ZSWIM4: variants seen among roughly 807,000 people sequenced by gnomAD.
ZSWIM4 encodes zinc finger SWIM-type containing 4.
In ZSWIM4, 62 loss-of-function variants were observed where a neutral mutation model predicts 102.5. That is an observed-to-expected ratio of 0.60 (90% CI 0.49 to 0.75). The LOEUF is 0.75. Among genes scored for constraint, ZSWIM4 ranks in the 30% least tolerant of loss-of-function variants. ZSWIM4 has a pLI of 0.00. For synonymous variants in ZSWIM4, 652 were observed against 674.5 expected (o/e 0.97, Z 0.52); for missense variants, 1,280 against 1,529.6 (o/e 0.84, Z 2.72).
Position 13,814,922 on chromosome 19 carries a change from C to A in ZSWIM4, c.1531+57C>A, listed in dbSNP as rs139868291. The A allele has an allele frequency of 1.1e-5, 12 of 1,073,030 alleles. No homozygotes were observed. The African/African-American group carries it at 1.5e-4, about 13-fold the overall frequency. 66.5% of individuals were successfully genotyped at this position (1,073,030 alleles called of 1,614,324 possible). The stretch of plus-strand genomic sequence containing the variant: ...CTGTGATCCCAGCACATTGGGAGTC[C>A]GAGGTGGGAGGATTGCTTGAGGCCA... On this transcript the variant is annotated intron_variant, in intron 7 of 13. Coordinates refer to ENST00000590508, the MANE Select transcript of ZSWIM4 (RefSeq NM_001367834.3).
intron 6 of ZSWIM4, among the ~76,000 whole-genome samples, chr19:13,814,055 G>A (rs891611953): frequency 4.0e-4 from 59 of 149,222 alleles, no homozygotes; most frequent in African/African-American, 1.4e-3. Context: ...ACACATACAC[G>A]CATCCTTTTT....
chr19:13,796,329 G>A (rs1398277675), intron 1 of ZSWIM4, among the ~76,000 whole-genome samples: 1 of 151,768 alleles, frequency 6.6e-6, no homozygotes, highest in Non-Finnish European at 1.5e-5. Flanking sequence ...TCCCTCCATC[G>A]TAGCCTCTAG....
intron 13 of ZSWIM4, among the ~76,000 whole-genome samples, 193 bp from the exon 14 acceptor site, chr19:13,829,998 C>T (rs1158070183): frequency 6.6e-6 from 1 of 152,126 alleles, no homozygotes; most frequent in Non-Finnish European, 1.5e-5. Context: ...CAGAAAGAGG[C>T]TCCAAAGCTT....
intron 2 of ZSWIM4, among the ~76,000 whole-genome samples, chr19:13,802,217 C>T (rs865822328): frequency 1.1e-4 from 16 of 151,354 alleles, no homozygotes; most frequent in South Asian, 1.0e-3. Flanking sequence ...ACCTAGTGAT[C>T]CGCCCGCCTC....
At chr19:13,821,946 C>T (rs55726752) in intron 10 of ZSWIM4, among the ~76,000 whole-genome samples, 61,017 of 151,822 alleles carry the variant, frequency 0.4, 14,667 homozygotes, top group Middle Eastern at 0.62. Context: ...CCATGTCAGC[C>T]GGGATGGTCT....
At chr19:13,829,193 A>G (rs1159401502) in intron 13 of ZSWIM4, among the ~76,000 whole-genome samples, 2 of 151,938 alleles carry the variant, frequency 1.3e-5, no homozygotes, top group Non-Finnish European at 2.9e-5. Context: ...AGGTGGGAAA[A>G]TCACTTGAGC....
intron 3 of ZSWIM4, among the ~76,000 whole-genome samples, chr19:13,805,697 C>T (rs1240349555): frequency 4.6e-5 from 7 of 151,716 alleles, no homozygotes; most frequent in South Asian, 2.1e-4. Flanking sequence ...ATTGGCTGGG[C>T]GCAGGGGCTC....
chr19:13,801,136 C>A (rs2145258052), intron 2 of ZSWIM4, among the ~76,000 whole-genome samples: 1 of 145,042 alleles, frequency 6.9e-6, no homozygotes, highest in African/African-American at 2.7e-5. Flanking sequence ...GAGCGAGATG[C>A]TATCTCAAAG....
At chr19:13,827,003 G>A (rs1975628706) in intron 12 of ZSWIM4, among the ~76,000 whole-genome samples, 1 of 152,082 alleles carries the variant, frequency 6.6e-6, no homozygotes, top group Non-Finnish European at 1.5e-5. Context: ...TAAGGAATAG[G>A]GCCGGGCACA....
rs759332388 is a variant in ZSWIM4 at position 13,830,779 on chromosome 19, G to A, written c.3050G>A (p.Arg1017Gln). The A allele has an allele frequency of 2.5e-6, 4 of 1,605,382 alleles. No individual in the cohort carries two copies. The highest frequency in any genetic ancestry group is 3.4e-6 in the Non-Finnish European group (4 of 1,176,040). Residue 1017 changes from arginine (R) to glutamine (Q), a missense_variant, in exon 14 of 14, where the codon CGG (arginine) becomes CAG (glutamine). Physicochemically the swap from Arg to Gln is conservative, Grantham distance 43. Transcript: ENST00000590508. ...APGLGPLGAR[R>Q]AAKPLGADRA... ...GGTCTGGGCCCCTTAGGGGCACGCCGGGCCGCCAAGCCACTGGGTGCCGAC... is the reference window on the plus strand; with the variant it reads ...GGTCTGGGCCCCTTAGGGGCACGCCAGGCCGCCAAGCCACTGGGTGCCGAC...
intron 10 of ZSWIM4, 120 bp from the exon 11 acceptor site, chr19:13,823,226 T>C (rs1423721573): frequency 3.1e-6 from 3 of 972,022 alleles, no homozygotes; most frequent in South Asian, 1.7e-5. Context: ...TCCATCATCT[T>C]GGGCTCTCAG....
chr19:13,820,580 A>T (rs1236190217), intron 10 of ZSWIM4, among the ~76,000 whole-genome samples: 1 of 152,240 alleles, frequency 6.6e-6, no homozygotes, highest in African/African-American at 2.4e-5. Context: ...CACATGATAC[A>T]TGAAAAGATA....
At chr19:13,820,920 A>AG in intron 10 of ZSWIM4, among the ~76,000 whole-genome samples, 1 of 152,156 alleles carries the variant, frequency 6.6e-6, no homozygotes, top group East Asian at 1.9e-4. Flanking sequence ...AAAAAAAAAA[A>AG]AAAAAGGCAA....
Position 13,825,555 on chromosome 19 carries a change from C to A in ZSWIM4, c.2221C>A (p.Pro741Thr). ...STMLTAAKGD[P>T]KWLHTVLGSI... ...CTGTCCCGCCCTTCACCCAGGAGACCCCAAGTGGCTGCACACGGTACTGGG... is the reference window on the plus strand; with the variant it reads ...CTGTCCCGCCCTTCACCCAGGAGACACCAAGTGGCTGCACACGGTACTGGG... Residue 741 changes from proline to threonine, a missense_variant, in exon 12 of 14, where the codon CCC (proline) becomes ACC (threonine). Coordinates refer to ENST00000590508, the MANE Select transcript of ZSWIM4 (RefSeq NM_001367834.3). This position sits in a 1 kb window ranked among gnomAD's most constrained non-coding sequence, Gnocchi z 4.6. The A allele has an allele frequency of 6.2e-7, 1 of 1,613,944 alleles. No individual in the cohort carries two copies. Among genetic ancestry groups the A allele is most frequent in the African/African-American group, 1.3e-5 (1 of 75,060 alleles).
intron 7 of ZSWIM4, among the ~76,000 whole-genome samples, chr19:13,816,947 G>A (rs146375982): frequency 2.0e-4 from 30 of 152,250 alleles, no homozygotes; most frequent in African/African-American, 7.0e-4. Flanking sequence ...AGGCATGGTG[G>A]CCCATGCCTG....
intron 3 of ZSWIM4, among the ~76,000 whole-genome samples, chr19:13,808,034 G>A (rs1476827077): frequency 6.6e-6 from 1 of 152,050 alleles, no homozygotes; most frequent in Non-Finnish European, 1.5e-5. Context: ...TCTTCACATG[G>A]CTGTCAGGAG....
Position 13,809,370 on chromosome 19 carries a change from C to A in ZSWIM4, c.1012+150C>A. 1 of 1,125,148 alleles carries A rather than the reference C, an allele frequency of 8.9e-7. No individual in the cohort carries two copies. Among genetic ancestry groups the A allele is most frequent in the Middle Eastern group, 3.0e-4 (1 of 3,286 alleles). 69.7% of individuals were successfully genotyped at this position (1,125,148 alleles called of 1,614,324 possible). On this transcript the variant is annotated intron_variant, in intron 5 of 13. Coordinates refer to ENST00000590508, the MANE Select transcript of ZSWIM4 (RefSeq NM_001367834.3). The surrounding 1 kb of genome is among the most constrained non-coding windows in gnomAD (Gnocchi z 4.2). The stretch of plus-strand genomic sequence containing the variant: ...CGCCTCTAAAGTGCCAGGCATGGTA[C>A]TGGGCACTGGTGGTCCGGCAGAGAA...
chr19:13,804,341 A>G (rs745556489), intron 2 of ZSWIM4, among the ~76,000 whole-genome samples: 6 of 142,664 alleles, frequency 4.2e-5, no homozygotes, highest in Non-Finnish European at 6.1e-5. Context: ...ATGGTGGCGC[A>G]TGCCTGTAAT....
At chr19:13,822,901 C>T (rs751148982) in intron 10 of ZSWIM4, among the ~76,000 whole-genome samples, 1 of 151,942 alleles carries the variant, frequency 6.6e-6, no homozygotes, top group Non-Finnish European at 1.5e-5. Flanking sequence ...ATCGTTTGAA[C>T]CCAGGAGGCA....
Sources: gnomAD v4.1 joint callset for allele counts (sites outside exome capture counted in the v4.1 genomes callset) on GRCh38, gnomAD v4.1.1 for gene constraint, Gnocchi (gnomAD v3.1) non-coding constraint, MANE v1.5 for transcripts, NCBI Gene and HGNC (gene_info 2026-07-23, HGNC 2026-07-21) for gene names.